The following SGCZ variants were observed in gnomAD, a reference collection of about 807,000 sequenced individuals.
SGCZ encodes the protein zeta-sarcoglycan.
A neutral mutation model predicts 41.3 loss-of-function variants in SGCZ; 40 were observed. The ratio of observed to expected loss-of-function variants is 0.97; its 90% CI spans 0.75 to 1.26. The LOEUF is 1.26. Ranked by LOEUF, SGCZ falls within the 50% of genes most tolerant of loss-of-function variation. The pLI is 0.00. For synonymous variants in SGCZ, 206 were observed against 137.5 expected (o/e 1.50, Z -3.49); for missense variants, 552 against 369.8 (o/e 1.49, Z -4.04).
chr8:14,188,347 T>C (rs1021832636), intron 4 of SGCZ, among the ~76,000 whole-genome samples: 2 of 152,206 alleles, frequency 1.3e-5, no homozygotes, highest in African/African-American at 2.4e-5. Context: ...ATCCGTACAG[T>C]AAAGTTTTAT....
At position 14,850,694 on chromosome 8, in the gene SGCZ, C is replaced by T. The variant is rs561731021; in HGVS notation, c.40-295768G>A. 3.4e-4 allele frequency among the ~76,000 whole-genome samples: 51 copies of T among 152,214 alleles called. 1 individual carries two copies. The South Asian group carries it at 0.01, about 31-fold the overall frequency. On this transcript the variant is annotated intron_variant, in intron 1 of 7. Transcript: ENST00000382080. ...CCAAATCTCATCTTGAATTGTAATC[C>T]TCATAATCTCCATGTGTCAAGGGAG... is the stretch of plus-strand genomic sequence containing the variant.
At chr8:15,218,072 T>C (rs545042322) in intron 1 of SGCZ, among the ~76,000 whole-genome samples, 3 of 152,194 alleles carry the variant, frequency 2.0e-5, no homozygotes, top group Non-Finnish European at 4.4e-5. Context: ...ATATAGCCCA[T>C]TTACATAAAA....
At chr8:14,844,988 G>C (rs570882926) in intron 1 of SGCZ, among the ~76,000 whole-genome samples, 15 of 152,282 alleles carry the variant, frequency 9.9e-5, no homozygotes, top group African/African-American at 3.6e-4. Flanking sequence ...GAGAGTTTAG[G>C]TGGAAAAGGC....
intron 1 of SGCZ, among the ~76,000 whole-genome samples, chr8:14,612,364 T>A (rs997822824): frequency 6.6e-6 from 1 of 152,186 alleles, no homozygotes; most frequent in African/African-American, 2.4e-5. Context: ...GGCTCCCTTA[T>A]GAAAAAGGTG....
intron 3 of SGCZ, among the ~76,000 whole-genome samples, chr8:14,241,016 C>T (rs75549977): frequency 0.28 from 43,077 of 151,810 alleles, 6,556 homozygotes; most frequent in Non-Finnish European, 0.35. Context: ...CTCTTAAAAA[C>T]AAAAAAAGAA....
intron 1 of SGCZ, among the ~76,000 whole-genome samples, chr8:14,790,165 C>G (rs1585262256): frequency 6.6e-6 from 1 of 152,234 alleles, no homozygotes; most frequent in East Asian, 1.9e-4. Flanking sequence ...AGACGACTTT[C>G]TGAGGGCCAG....
At chr8:15,216,913 T>C (rs541435321) in intron 1 of SGCZ, among the ~76,000 whole-genome samples, 2 of 152,254 alleles carry the variant, frequency 1.3e-5, no homozygotes, top group South Asian at 4.1e-4. Flanking sequence ...TATCGTTGCT[T>C]CTGCACATGG....
intron 2 of SGCZ, among the ~76,000 whole-genome samples, chr8:14,347,879 G>C (rs1000208698): frequency 2.6e-5 from 4 of 152,120 alleles, no homozygotes; most frequent in African/African-American, 7.2e-5. Flanking sequence ...TTGTAACCAA[G>C]TGCCTCAGCT....
intron 3 of SGCZ, among the ~76,000 whole-genome samples, chr8:14,256,942 A>T (rs1296461246): frequency 6.6e-6 from 1 of 152,192 alleles, no homozygotes; most frequent in African/African-American, 2.4e-5. Context: ...ATAATAGAGT[A>T]TTCATTTGTT....
At chr8:15,220,554 A>G (rs1388074575) in intron 1 of SGCZ, among the ~76,000 whole-genome samples, 4 of 151,872 alleles carry the variant, frequency 2.6e-5, no homozygotes, top group African/African-American at 9.7e-5. Flanking sequence ...TAGAGTAGGA[A>G]CTCTTAGAAA....
At chr8:14,984,253 C>T (rs12681103) in intron 1 of SGCZ, among the ~76,000 whole-genome samples, 1 of 152,014 alleles carries the variant, frequency 6.6e-6, no homozygotes, top group Non-Finnish European at 1.5e-5. Flanking sequence ...ATTTCATCTG[C>T]AACCATTTCA....
chr8:14,191,137 G>A (rs1283341849), intron 4 of SGCZ, among the ~76,000 whole-genome samples: 1 of 152,034 alleles, frequency 6.6e-6, no homozygotes, highest in Non-Finnish European at 1.5e-5. Flanking sequence ...TCATTTTTAT[G>A]TCTTTGGAAA....
rs1806191088 is a variant in SGCZ, at chr8:14,618,828, C to A, written c.40-63902G>T. Among the ~76,000 whole-genome samples, 4 of 152,022 alleles carry A rather than the reference C, an allele frequency of 2.6e-5. No homozygotes were observed. The South Asian group carries it at 8.3e-4, about 32-fold the overall frequency. On this transcript the variant is annotated intron_variant, in intron 1 of 7. Transcript: ENST00000382080. ...GGACTGAAAGCATTCCTTAACAATTCCGATGGGGAGTAAGCAGAAAAAGAG... is the reference window on the plus strand; with the variant it reads ...GGACTGAAAGCATTCCTTAACAATTACGATGGGGAGTAAGCAGAAAAAGAG...
At chr8:14,551,872 G>A (rs556113231) in intron 2 of SGCZ, among the ~76,000 whole-genome samples, 5 of 149,490 alleles carry the variant, frequency 3.3e-5, no homozygotes, top group African/African-American at 7.5e-5. Context: ...GCAGAATATC[G>A]CTCATAATGA....
At chr8:14,757,524 T>C (rs1799717411) in intron 1 of SGCZ, among the ~76,000 whole-genome samples, 2 of 152,260 alleles carry the variant, frequency 1.3e-5, no homozygotes, top group Admixed American at 1.3e-4. Context: ...CAGAGCAGTC[T>C]AGACTCCTGC....
chr8:14,494,305 G>C (rs929331308), intron 2 of SGCZ, among the ~76,000 whole-genome samples: 1 of 152,096 alleles, frequency 6.6e-6, no homozygotes, highest in African/African-American at 2.4e-5. Flanking sequence ...ACAAAATAGG[G>C]AGCACTTGTG....
intron 5 of SGCZ, among the ~76,000 whole-genome samples, chr8:14,109,668 G>C (rs1196495690): frequency 2.0e-5 from 3 of 152,140 alleles, no homozygotes; most frequent in Non-Finnish European, 4.4e-5. Context: ...GGAAATTAAA[G>C]CTAAAATTCC....
At chr8:14,353,873 G>C (rs1294950203) in intron 2 of SGCZ, among the ~76,000 whole-genome samples, 1 of 152,016 alleles carries the variant, frequency 6.6e-6, no homozygotes, top group Non-Finnish European at 1.5e-5. Context: ...ATGTTCATCT[G>C]CTTTCAGAAG....
chr8:14,272,328 G>C (rs73521382), intron 3 of SGCZ, among the ~76,000 whole-genome samples: 1 of 152,154 alleles, frequency 6.6e-6, no homozygotes, highest in Admixed American at 6.5e-5. Flanking sequence ...TGATAGCTGA[G>C]TTATATAAAT....
Sources: allele counts gnomAD v4.1 joint callset (sites outside exome capture counted in the v4.1 genomes callset), GRCh38; gene constraint gnomAD v4.1.1; transcripts MANE v1.5; gene names NCBI Gene and HGNC (gene_info 2026-07-23, HGNC 2026-07-21).